The following KHDRBS1 variants were observed in gnomAD, a reference collection of about 807,000 sequenced individuals.
KHDRBS1 encodes KH RNA binding domain containing, signal transduction associated 1.
In KHDRBS1, 7 loss-of-function variants were observed where a neutral mutation model predicts 48.4. That is an observed-to-expected ratio of 0.14 (90% CI 0.08 to 0.27). The LOEUF is 0.27. Ranked by LOEUF, KHDRBS1 falls within the 10% of genes least tolerant of loss-of-function variation. KHDRBS1 has a pLI of 1.00. For synonymous variants in KHDRBS1, 241 were observed against 235.8 expected (o/e 1.02, Z -0.20); for missense variants, 458 against 601.2 (o/e 0.76, Z 2.49).
intron 1 of KHDRBS1, among the ~76,000 whole-genome samples, chr1:32,016,756 A>T (rs1429370704): frequency 6.6e-6 from 1 of 152,044 alleles, no homozygotes; most frequent in Non-Finnish European, 1.5e-5. Flanking sequence ...CATCTGTTGC[A>T]CTATATTGTC....
At chr1:32,015,693 GA>G (rs1283398010) in intron 1 of KHDRBS1, among the ~76,000 whole-genome samples, 1 of 152,214 alleles carries the variant, frequency 6.6e-6, no homozygotes, top group Non-Finnish European at 1.5e-5. Flanking sequence ...TGAAATTGGA[GA>G]AATGTGATTG....
chr1:32,020,688 GA>G (rs2124359904), intron 1 of KHDRBS1, among the ~76,000 whole-genome samples: 1 of 151,490 alleles, frequency 6.6e-6, no homozygotes, highest in South Asian at 2.1e-4. Flanking sequence ...TAAGCTGAGT[GA>G]AGAAAGCCAA....
chr1:32,028,133 TAAATAAA>T (rs1225640481), intron 1 of KHDRBS1, among the ~76,000 whole-genome samples: 2 of 152,084 alleles, frequency 1.3e-5, no homozygotes, highest in African/African-American at 4.8e-5. Context: ...TAATAATTAA[TAAATAAA>T]AACTGTTAAG....
At position 32,038,581 on chromosome 1, in the gene KHDRBS1, TTACGAAGGC is replaced by T. The variant is rs766357437; in HGVS notation, c.1149_1157del (p.Glu384_Tyr386del). The T allele has an allele frequency of 3.5e-5, 57 of 1,614,020 alleles. No homozygotes were observed. The highest frequency in any genetic ancestry group is 1.1e-4 in the African/African-American group (8 of 75,050). ...ATGATGATACATACGCAGAACAAAG[TTACGAAGGC>T]TACGAAGGCTATTACAGCCAGAGTC... is the stretch of plus-strand genomic sequence containing the variant. On this transcript the variant is annotated inframe_deletion, in exon 7 of 9. Transcript: ENST00000327300.
Position 32,030,435 on chromosome 1 carries a change from G to T in KHDRBS1, c.507+13G>T, listed in dbSNP as rs1168555242. On this transcript the variant is annotated intron_variant, in intron 2 of 8. Coordinates refer to ENST00000327300, the MANE Select transcript of KHDRBS1 (RefSeq NM_006559.3). The stretch of plus-strand genomic sequence containing the variant: ...GCAGTATCCCAAGGTAAGGCAAAAA[G>T]TGCTTTGGATCTTTGAGTTATCTTT... The T allele has an allele frequency of 6.3e-7, 1 of 1,594,582 alleles. No homozygotes were observed. Among genetic ancestry groups the T allele is most frequent in the African/African-American group, 1.4e-5 (1 of 73,724 alleles).
intron 1 of KHDRBS1, among the ~76,000 whole-genome samples, chr1:32,019,485 G>A (rs1186921712): frequency 6.6e-6 from 1 of 152,034 alleles, no homozygotes; most frequent in Non-Finnish European, 1.5e-5. Flanking sequence ...GGGAGACAGA[G>A]GTTGCAGTGA....
intron 10 of KHDRBS1, among the ~76,000 whole-genome samples, chr1:32,053,819 A>G (rs1639449798): frequency 6.6e-6 from 1 of 152,198 alleles, no homozygotes; most frequent in Non-Finnish European, 1.5e-5. Context: ...GCAGTGGCTC[A>G]CACGTGTAAT....
chr1:32,044,516 C>T (rs1415341873), downstream of KHDRBS1, among the ~76,000 whole-genome samples: 1 of 152,222 alleles, frequency 6.6e-6, no homozygotes, highest in Admixed American at 6.5e-5. Flanking sequence ...TCATGGCTTC[C>T]CTAAGAGAGC....
intron 10 of KHDRBS1, among the ~76,000 whole-genome samples, chr1:32,056,011 GCT>G (rs1639476146): frequency 6.6e-6 from 1 of 152,104 alleles, no homozygotes; most frequent in South Asian, 2.1e-4. Flanking sequence ...TTCGTATACA[GCT>G]CTCTTCTAAA....
intron 1 of KHDRBS1, among the ~76,000 whole-genome samples, chr1:32,016,067 A>T (rs1415162092): frequency 6.6e-6 from 1 of 152,060 alleles, no homozygotes; most frequent in Non-Finnish European, 1.5e-5. Flanking sequence ...GATCCCAGCT[A>T]CTTTGGAAGC....
chr1:32,033,659 G>A (rs1639122220), intron 4 of KHDRBS1, among the ~76,000 whole-genome samples: 1 of 152,160 alleles, frequency 6.6e-6, no homozygotes, highest in Non-Finnish European at 1.5e-5. Context: ...GAGTATTTTG[G>A]TAGTAGTGTG....
chr1:32,016,990 G>A (rs577634896), intron 1 of KHDRBS1, among the ~76,000 whole-genome samples: 1 of 152,290 alleles, frequency 6.6e-6, no homozygotes, highest in East Asian at 1.9e-4. Context: ...GTGCACGGTG[G>A]CTCACACCTA....
At chr1:32,028,634 C>T (rs1267385164) in intron 1 of KHDRBS1, among the ~76,000 whole-genome samples, 1 of 150,480 alleles carries the variant, frequency 6.6e-6, no homozygotes, top group Non-Finnish European at 1.5e-5. Context: ...TCCCTAGTAG[C>T]TGGGACTACA....
intron 1 of KHDRBS1, among the ~76,000 whole-genome samples, chr1:32,029,420 G>T (rs1209185523): frequency 6.6e-6 from 1 of 152,200 alleles, no homozygotes; most frequent in Non-Finnish European, 1.5e-5. Flanking sequence ...CACTTTGGGA[G>T]GCTGAGGCAG....
Position 32,058,162 on chromosome 1 carries a change from A to AC in KHDRBS1, n.1302-2000dup, listed in dbSNP as rs1421633671. On this transcript the variant is annotated intron_variant and non_coding_transcript_variant, in intron 10 of 10. Coordinates refer to the KHDRBS1 transcript ENST00000484270. Reference sequence around the variant, plus strand: ...GGTCTCACTGCATTGATCATAGCTCACTGCAGCTTCTACCTCCTGGGCTCA... The same window carrying AC: ...GGTCTCACTGCATTGATCATAGCTCACCTGCAGCTTCTACCTCCTGGGCTCA... Among the ~76,000 whole-genome samples, 7 of 150,858 alleles carry AC rather than the reference A, an allele frequency of 4.6e-5. No homozygotes were observed. In the South Asian group the frequency reaches 1.5e-3, roughly 32 times the overall value.
chr1:32,029,384 G>A (rs373114307), intron 1 of KHDRBS1, among the ~76,000 whole-genome samples: 3 of 152,272 alleles, frequency 2.0e-5, no homozygotes, highest in African/African-American at 7.2e-5. Flanking sequence ...GTGGCTGGGC[G>A]CGGTGGCTCA....
At chr1:32,035,912 AGACACTTAT>A (rs1375955628) in intron 4 of KHDRBS1, among the ~76,000 whole-genome samples, 1 of 152,174 alleles carries the variant, frequency 6.6e-6, no homozygotes, top group Non-Finnish European at 1.5e-5. Flanking sequence ...GTTTTTCAAG[AGACACTTAT>A]TTAGGCAAGT....
chr1:32,051,912 C>A (rs1394220273), intron 10 of KHDRBS1, among the ~76,000 whole-genome samples: 1 of 152,148 alleles, frequency 6.6e-6, no homozygotes, highest in Non-Finnish European at 1.5e-5. Context: ...TTGATATGTT[C>A]CTGTACTTTG....
At chr1:32,015,406 CTGAA>C (rs1370314535) in intron 1 of KHDRBS1, among the ~76,000 whole-genome samples, 1 of 152,120 alleles carries the variant, frequency 6.6e-6, no homozygotes, top group East Asian at 1.9e-4. Flanking sequence ...TCCTTCAACA[CTGAA>C]TGAGTAGTTG....
Sources: allele counts gnomAD v4.1 joint callset (sites outside exome capture counted in the v4.1 genomes callset), GRCh38; gene constraint gnomAD v4.1.1; transcripts MANE v1.5; gene names NCBI Gene and HGNC (gene_info 2026-07-23, HGNC 2026-07-21).